THSD4: variants seen among roughly 807,000 people sequenced by gnomAD.
The protein encoded by THSD4 is thrombospondin type 1 domain containing 4.
In THSD4, 69 loss-of-function variants were observed where a neutral mutation model predicts 119.0. The ratio of observed to expected loss-of-function variants is 0.58; its 90% CI spans 0.48 to 0.71. The LOEUF is 0.71. Ranked by LOEUF, THSD4 falls within the 30% of genes least tolerant of loss-of-function variation. The pLI, the probability that THSD4 is intolerant of heterozygous loss-of-function variation, is 0.00. For missense variants in THSD4, 1,393 were observed against 1,391.1 expected, an observed-to-expected ratio of 1.00 and a Z score of -0.02; for synonymous variants, 524 against 540.4, an observed-to-expected ratio of 0.97 and a Z score of 0.42.
intron 8 of THSD4, 42 bp downstream of exon 8, chr15:71,660,776 C>T: frequency 6.2e-7 from 1 of 1,606,848 alleles, no homozygotes; most frequent in Non-Finnish European, 8.5e-7. Flanking sequence ...CTGTCCCTGC[C>T]AGATGATGTA....
At chr15:71,141,624 C>G in intron 2 of THSD4, 68 bp downstream of exon 2, 1 of 1,499,472 alleles carries the variant, frequency 6.7e-7, no homozygotes, top group Non-Finnish European at 9.1e-7. Context: ...TTTACTCTGT[C>G]ATTTCTTAAA....
intron 7 of THSD4, among the ~76,000 whole-genome samples, chr15:71,587,696 C>T (rs1271710670): frequency 2.0e-4 from 27 of 132,356 alleles, no homozygotes; most frequent in Admixed American, 1.4e-3. Context: ...GTGGGTGCAG[C>T]GCACCAGCAT....
chr15:71,508,506 T>G (rs1048750441), intron 7 of THSD4, among the ~76,000 whole-genome samples: 2 of 152,074 alleles, frequency 1.3e-5, no homozygotes, highest in African/African-American at 4.8e-5. Flanking sequence ...GTCACCGCAC[T>G]GAAAATCAGA....
At chr15:71,209,690 C>A (rs2043873051) in intron 3 of THSD4, among the ~76,000 whole-genome samples, 1 of 152,144 alleles carries the variant, frequency 6.6e-6, no homozygotes, top group Non-Finnish European at 1.5e-5. Context: ...TTTCTTAGGA[C>A]CCAGCAGTCT....
chr15:71,268,824 AC>A (rs1490292978), intron 6 of THSD4, among the ~76,000 whole-genome samples: 2 of 152,202 alleles, frequency 1.3e-5, no homozygotes, highest in African/African-American at 4.8e-5. Context: ...ATCAGAGAAT[AC>A]TGTAAACACC....
rs555355553 is a variant in THSD4 at position 71,208,551 on chromosome 15, G to A, written c.100-6484G>A. Among the ~76,000 whole-genome samples the A allele has an allele frequency of 3.1e-4, 46 of 148,804 alleles. 1 individual carries two copies. Among genetic ancestry groups the A allele is most frequent in the East Asian group, 1.6e-3 (8 of 5,070 alleles). On this transcript the variant is annotated intron_variant, in intron 3 of 17. Transcript: ENST00000261862. Reference sequence around the variant, plus strand: ...TTTTGAGATGGAGTCTTTCTCTGTCGCCCAGGCTGGAGTGCAGTGGTGAAA... The same window carrying A: ...TTTTGAGATGGAGTCTTTCTCTGTCACCCAGGCTGGAGTGCAGTGGTGAAA...
At chr15:71,199,628 G>C (rs1311114816) in intron 3 of THSD4, among the ~76,000 whole-genome samples, 106 of 71,816 alleles carry the variant, frequency 1.5e-3, no homozygotes, top group African/African-American at 2.2e-3. Context: ...TGGGTGTGTG[G>C]TGTGTGTGGT....
chr15:71,719,477 A>G (rs1017521057), intron 8 of THSD4, among the ~76,000 whole-genome samples: 1 of 152,238 alleles, frequency 6.6e-6, no homozygotes, highest in Non-Finnish European at 1.5e-5. Flanking sequence ...CAGAATTTTA[A>G]TGCATTACCG....
At chr15:71,253,152 C>T (rs1024296135) in intron 5 of THSD4, among the ~76,000 whole-genome samples, 1 of 152,206 alleles carries the variant, frequency 6.6e-6, no homozygotes, top group Non-Finnish European at 1.5e-5. Context: ...CTGCTGATCA[C>T]TGTGGCTCTA....
chr15:71,389,342 G>A (rs889788675), intron 6 of THSD4, among the ~76,000 whole-genome samples: 3 of 151,916 alleles, frequency 2.0e-5, no homozygotes, highest in South Asian at 4.1e-4. Flanking sequence ...CTCTGAATTT[G>A]ACTACTCTAG....
At chr15:71,703,610 G>A (rs370720110) in intron 8 of THSD4, among the ~76,000 whole-genome samples, 161 of 152,166 alleles carry the variant, frequency 1.1e-3, no homozygotes, top group African/African-American at 3.8e-3. Flanking sequence ...CTGGGGACAG[G>A]GCCTCAAGGG....
chr15:71,218,402 C>T (rs559216657), intron 4 of THSD4, among the ~76,000 whole-genome samples: 8 of 152,258 alleles, frequency 5.3e-5, no homozygotes, highest in African/African-American at 1.9e-4. Context: ...TGGTGGAGAA[C>T]CTAGAAGAGC....
At chr15:71,585,348 T>C (rs2049644153) in intron 7 of THSD4, among the ~76,000 whole-genome samples, 1 of 152,222 alleles carries the variant, frequency 6.6e-6, no homozygotes, top group African/African-American at 2.4e-5. Flanking sequence ...GATATAGTAT[T>C]CTTGGTTGAC....
chr15:71,439,368 A>G (rs921057426), intron 7 of THSD4, among the ~76,000 whole-genome samples: 2 of 152,200 alleles, frequency 1.3e-5, no homozygotes, highest in Non-Finnish European at 2.9e-5. Flanking sequence ...GTGCTTAAGA[A>G]TATGCTGGAG....
chr15:71,645,619 G>A (rs1254440214), intron 7 of THSD4, among the ~76,000 whole-genome samples: 3 of 152,172 alleles, frequency 2.0e-5, no homozygotes, highest in Non-Finnish European at 4.4e-5. Context: ...GAGGCAGAGT[G>A]AGCCACCAGA....
chr15:71,202,931 A>G (rs563432333), intron 3 of THSD4, among the ~76,000 whole-genome samples: 1 of 152,316 alleles, frequency 6.6e-6, no homozygotes, highest in South Asian at 2.1e-4. Flanking sequence ...GGCAGAACAC[A>G]AAAATAAATA....
chr15:71,472,514 C>G (rs974075834), intron 7 of THSD4, among the ~76,000 whole-genome samples: 1 of 152,124 alleles, frequency 6.6e-6, no homozygotes, highest in Non-Finnish European at 1.5e-5. Flanking sequence ...ACTCATATTG[C>G]CCATTAGAAC....
chr15:71,435,242 C>T (rs1406153230), intron 7 of THSD4, among the ~76,000 whole-genome samples: 1 of 152,058 alleles, frequency 6.6e-6, no homozygotes, highest in Admixed American at 6.6e-5. Flanking sequence ...CCAGACAGAG[C>T]AGAGAAAGTT....
At chr15:71,180,832 A>C (rs772573101) in intron 3 of THSD4, among the ~76,000 whole-genome samples, 8 of 152,170 alleles carry the variant, frequency 5.3e-5, no homozygotes, top group Non-Finnish European at 1.0e-4. Context: ...AAATATTCTA[A>C]GTCTTGAGCA....
Sources: allele counts gnomAD v4.1 joint callset (sites outside exome capture counted in the v4.1 genomes callset), GRCh38; gene constraint gnomAD v4.1.1; transcripts MANE v1.5; gene names NCBI Gene and HGNC (gene_info 2026-07-23, HGNC 2026-07-21).